TF: variants seen among roughly 807,000 people sequenced by gnomAD.
The protein encoded by TF is transferrin, also known as serotransferrin.
TF carries 55 observed loss-of-function variants against 82.4 expected under a neutral mutation model. That is an observed-to-expected ratio of 0.67 (90% CI 0.54 to 0.84). The LOEUF (loss-of-function observed/expected upper bound fraction) is 0.84. Among genes scored for constraint, TF ranks in the 40% least tolerant of loss-of-function variants. TF has a pLI of 0.00. For missense variants in TF, 737 were observed against 868.4 expected, an observed-to-expected ratio of 0.85 and a Z score of 1.90; for synonymous variants, 332 against 332.6, an observed-to-expected ratio of 1.00 and a Z score of 0.02.
chr3:133,709,888 C>T, the TF span, among the ~76,000 whole-genome samples: 1 of 152,210 alleles, frequency 6.6e-6, no homozygotes, highest in Non-Finnish European at 1.5e-5. Context: ...AAGGGCAGAT[C>T]TCAGGGAAAT....
At position 133,766,421 on chromosome 3, in the gene TF, C is replaced by T; in HGVS notation, c.1474C>T (p.His492Tyr). ...GGGCCTGCTCTACAATAAGATCAAC[C>T]ACTGCAGATTTGGTGAGTGAATATT... is the stretch of plus-strand genomic sequence containing the variant. Reference protein sequence around the residue: ...PMGLLYNKINHCRFDEFFSEG... With the variant: ...PMGLLYNKINYCRFDEFFSEG... Residue 492 changes from histidine to tyrosine, a missense_variant, in exon 12 of 17, where the codon CAC becomes TAC. Transcript: ENST00000402696. The T allele has an allele frequency of 6.2e-7, 1 of 1,614,172 alleles. No homozygotes were observed. The highest frequency in any genetic ancestry group is 8.5e-7 in the Non-Finnish European group (1 of 1,180,014).
In TF at chr3:133,789,889, T is replaced by A. The variant is rs1462185587; in HGVS notation, c.*11269T>A. ...AACGATCTCGTTTGCGTTTTTTTTT[T>A]TTTTTTTTTTTTTTTTTTTGACAAA... On this transcript the variant is annotated 3_prime_UTR_variant, in exon 17 of 17. Transcript: ENST00000402696. The A allele has an allele frequency of 8.4e-4, 41 of 48,924 alleles. No individual in the cohort carries two copies. The highest frequency in any genetic ancestry group is 1.8e-3 in the Non-Finnish European group (27 of 15,032). 3.0% of individuals were successfully genotyped at this position (48,924 alleles called of 1,614,324 possible).
At chr3:133,754,395 T>C (rs927877927) in intron 3 of TF, 100 bp from the exon 4 acceptor site, 23 of 1,254,270 alleles carry the variant, frequency 1.8e-5, no homozygotes, top group Non-Finnish European at 2.4e-5. Flanking sequence ...AGTAAAAGCA[T>C]GGCCTCTCCG....
intron 5 of TF, 40 bp downstream of exon 5, chr3:133,755,535 C>G: frequency 1.2e-6 from 2 of 1,612,652 alleles, no homozygotes; most frequent in Non-Finnish European, 1.7e-6. Flanking sequence ...GCCAAAGTGC[C>G]AAATGTCCTC....
the TF span, among the ~76,000 whole-genome samples, chr3:133,705,119 A>G: frequency 6.6e-6 from 1 of 152,182 alleles, no homozygotes; most frequent in African/African-American, 2.4e-5. Flanking sequence ...TACTAAAAAT[A>G]CAAAAATTAG....
the TF span, among the ~76,000 whole-genome samples, chr3:133,736,514 T>A: frequency 1.3e-5 from 2 of 151,202 alleles, no homozygotes; most frequent in East Asian, 3.9e-4. Flanking sequence ...GACTGGCAAA[T>A]TGGATAGAGT....
At chr3:133,672,684 A>T in the TF span, among the ~76,000 whole-genome samples, 1 of 141,134 alleles carries the variant, frequency 7.1e-6, no homozygotes, top group Non-Finnish European at 1.5e-5. Flanking sequence ...CTATGATCCC[A>T]CAGCTGCACT....
At chr3:133,775,170 G>A (rs1934354610) in intron 14 of TF, 20 of 541,060 alleles carry the variant, frequency 3.7e-5, no homozygotes, top group Non-Finnish European at 6.7e-5. Flanking sequence ...AACAGCATCT[G>A]CAGAATGTAG....
At chr3:133,691,834 G>A in the TF span, 1 of 153,276 alleles carries the variant, frequency 6.5e-6, no homozygotes, top group African/African-American at 2.4e-5. Flanking sequence ...AAAAGATGGT[G>A]TGTTCTCCCT....
Position 133,770,490 on chromosome 3 carries a change from A to G in TF, c.1623-18A>G, listed in dbSNP as rs1036517936. On this transcript the variant is annotated intron_variant, in intron 13 of 16. Coordinates refer to ENST00000402696, the MANE Select transcript of TF (RefSeq NM_001063.4). ...CTGACCGCCTTTTTTTTTCTCTCCC[A>G]CTTCTGGACCTCTGCAGGTGTCTGG... is the stretch of plus-strand genomic sequence containing the variant. 1.9e-6 allele frequency: 3 copies of G among 1,613,128 alleles called. No homozygotes were observed. The highest frequency in any genetic ancestry group is 2.5e-6 in the Non-Finnish European group (3 of 1,179,734).
chr3:133,751,182 T>G (rs1029023666), intron 2 of TF, among the ~76,000 whole-genome samples: 4 of 151,390 alleles, frequency 2.6e-5, no homozygotes, highest in African/African-American at 9.7e-5. Flanking sequence ...CTTGAAAACA[T>G]AAGTGAAGCA....
chr3:133,727,699 T>G, the TF span, among the ~76,000 whole-genome samples: 30,594 of 118,392 alleles, frequency 0.26, 3,819 homozygotes, highest in East Asian at 0.38. Flanking sequence ...CCTGTCATTA[T>G]GATGTTAGCT....
chr3:133,744,241 G>T (rs539806634), upstream of TF, among the ~76,000 whole-genome samples: 1 of 152,226 alleles, frequency 6.6e-6, no homozygotes, highest in Non-Finnish European at 1.5e-5. Flanking sequence ...TGGCCTCAGC[G>T]GGGCTTAGTC....
chr3:133,681,303 TC>T, the TF span, among the ~76,000 whole-genome samples: 2 of 152,220 alleles, frequency 1.3e-5, no homozygotes, highest in East Asian at 3.9e-4. Flanking sequence ...TTTCTGCATT[TC>T]CAACTGAGGT....
chr3:133,674,527 G>A, the TF span, among the ~76,000 whole-genome samples: 1 of 152,250 alleles, frequency 6.6e-6, no homozygotes. Context: ...TTCCCAAGAG[G>A]CGCTGCTTGC....
chr3:133,774,870 T>C (rs1031603507), intron 14 of TF: 2 of 305,540 alleles, frequency 6.5e-6, no homozygotes, highest in African/African-American at 2.2e-5. Flanking sequence ...AGTTTTTTTT[T>C]TTTTTCAGAG....
chr3:133,688,319 C>T, the TF span: 2 of 152,538 alleles, frequency 1.3e-5, no homozygotes, highest in South Asian at 4.1e-4. Flanking sequence ...CCCTTGTCAC[C>T]TGCGTGGAGA....
At chr3:133,669,417 G>A in the TF span, among the ~76,000 whole-genome samples, 20,915 of 152,162 alleles carry the variant, frequency 0.14, 1,729 homozygotes, top group East Asian at 0.38. Context: ...CCCCAGACAT[G>A]TGCTCCCCTT....
intron 15 of TF, 52 bp downstream of exon 15, chr3:133,775,669 A>T: frequency 6.3e-7 from 1 of 1,591,032 alleles, no homozygotes; most frequent in African/African-American, 1.3e-5. Flanking sequence ...GCCATAGGCT[A>T]TTCGGGGGGA....
Sources: allele counts gnomAD v4.1 joint callset (sites outside exome capture counted in the v4.1 genomes callset), GRCh38; gene constraint gnomAD v4.1.1; transcripts MANE v1.5; gene names NCBI Gene and HGNC (gene_info 2026-07-23, HGNC 2026-07-21).